Variants in PRIM2 observed in about 807,000 individuals in gnomAD.
PRIM2 encodes the protein DNA primase large subunit.
PRIM2 carries 39 observed loss-of-function variants against 67.3 expected under a neutral mutation model. The observed-to-expected ratio is 0.58, with a 90% CI of 0.45 to 0.76. The LOEUF (loss-of-function observed/expected upper bound fraction) is 0.76. PRIM2 is among the 30% of genes least tolerant of loss of function. The probability of loss-of-function intolerance (pLI) is 0.00; values close to 1 mark genes in which losing one functional copy is unlikely to be tolerated. For synonymous variants in PRIM2, 143 were observed against 198.7 expected, an observed-to-expected ratio of 0.72 and a Z score of 2.36; for missense variants, 398 against 598.7, an observed-to-expected ratio of 0.66 and a Z score of 3.50.
chr6:57,586,088 G>C (rs1369707034), intron 10 of PRIM2, among the ~76,000 whole-genome samples: 3 of 152,144 alleles, frequency 2.0e-5, no homozygotes, highest in African/African-American at 7.2e-5. Context: ...GAGGGAGTGG[G>C]TGATTGTTTT....
At chr6:57,223,995 A>C in the PRIM2 span, among the ~76,000 whole-genome samples, 1 of 152,248 alleles carries the variant, frequency 6.6e-6, no homozygotes, top group Non-Finnish European at 1.5e-5. Context: ...AATTGAAAAC[A>C]GGGACTCAAA....
At chr6:57,399,681 T>G (rs1770640593) in intron 7 of PRIM2, among the ~76,000 whole-genome samples, 1 of 152,134 alleles carries the variant, frequency 6.6e-6, no homozygotes, top group Admixed American at 6.5e-5. Context: ...TTCTTATTTC[T>G]CCACATCCTC....
At chr6:57,286,848 C>T in the PRIM2 span, among the ~76,000 whole-genome samples, 1 of 152,120 alleles carries the variant, frequency 6.6e-6, no homozygotes, top group South Asian at 2.1e-4. Context: ...AAAAGTTTTG[C>T]AATCTATGCA....
the PRIM2 span, among the ~76,000 whole-genome samples, chr6:57,272,376 T>C: frequency 6.6e-6 from 1 of 152,236 alleles, no homozygotes; most frequent in African/African-American, 2.4e-5. Context: ...TTTACCATTA[T>C]GTAATGGCCT....
intron 12 of PRIM2, among the ~76,000 whole-genome samples, chr6:57,618,399 G>A (rs1459771401): frequency 2.0e-5 from 3 of 152,354 alleles, no homozygotes; most frequent in Admixed American, 2.0e-4. Flanking sequence ...GGCTTAAATT[G>A]TGAATTTTAG....
the PRIM2 span, among the ~76,000 whole-genome samples, chr6:57,230,225 C>T: frequency 6.6e-6 from 1 of 152,172 alleles, no homozygotes; most frequent in Non-Finnish European, 1.5e-5. Flanking sequence ...TTCTCCTTGA[C>T]AAAATTTTTC....
chr6:57,612,870 T>G (rs1562803150), intron 12 of PRIM2, among the ~76,000 whole-genome samples: 1 of 150,970 alleles, frequency 6.6e-6, no homozygotes, highest in Admixed American at 6.6e-5. Context: ...TCATATCTTA[T>G]TGCAACCTCG....
At chr6:57,345,474 A>ATATATG (rs1554327210) in intron 5 of PRIM2, among the ~76,000 whole-genome samples, 1 of 124,596 alleles carries the variant, frequency 8.0e-6, no homozygotes, top group Non-Finnish European at 1.7e-5. Flanking sequence ...ATATATATAT[A>ATATATG]TGTGTGTGTG....
chr6:57,428,436 G>A (rs1771704163), intron 7 of PRIM2, among the ~76,000 whole-genome samples: 1 of 152,202 alleles, frequency 6.6e-6, no homozygotes, highest in African/African-American at 2.4e-5. Context: ...AAATCCTCAT[G>A]TAAATATACT....
intron 5 of PRIM2, among the ~76,000 whole-genome samples, chr6:57,373,439 C>T (rs1769636390): frequency 6.6e-6 from 1 of 152,112 alleles, no homozygotes; most frequent in South Asian, 2.1e-4. Context: ...TTTTGCTGTG[C>T]AGAAGCTCTT....
In PRIM2 at chr6:57,484,169, G is replaced by A. The variant is rs1290581128; in HGVS notation, c.694-23218G>A. The stretch of plus-strand genomic sequence containing the variant: ...TCTGCTTATTCACAAATAGTGTTTC[G>A]ACCTGGCTTGAGCTTTATAGGCCTA... On this transcript the variant is annotated intron_variant, in intron 7 of 13. Transcript: ENST00000615550. Among the ~76,000 whole-genome samples, 30 of 152,104 alleles carry A rather than the reference G, an allele frequency of 2.0e-4. 1 individual carries two copies. Among genetic ancestry groups the A allele is most frequent in the Admixed American group, 5.2e-4 (8 of 15,276 alleles).
At chr6:57,378,006 A>T (rs1327179071) in intron 5 of PRIM2, among the ~76,000 whole-genome samples, 3 of 151,078 alleles carry the variant, frequency 2.0e-5, no homozygotes, top group Non-Finnish European at 4.4e-5. Context: ...TTTAATGAAA[A>T]CCCAGGTTCC....
the PRIM2 span, chr6:57,222,140 G>C: frequency 2.0e-5 from 3 of 152,364 alleles, no homozygotes; most frequent in South Asian, 6.2e-4. Context: ...GGGCCGAGCG[G>C]CTAGTTCGCA....
At chr6:57,350,433 T>A (rs1768823921) in intron 5 of PRIM2, among the ~76,000 whole-genome samples, 2 of 152,360 alleles carry the variant, frequency 1.3e-5, no homozygotes, top group South Asian at 4.1e-4. Flanking sequence ...AAATCTCACA[T>A]ATCATAAATC....
chr6:57,355,497 C>A (rs1424212252), intron 5 of PRIM2, among the ~76,000 whole-genome samples: 1 of 152,090 alleles, frequency 6.6e-6, no homozygotes, highest in African/African-American at 2.4e-5. Context: ...AATAACTGAA[C>A]AAGAATTTGG....
At chr6:57,438,229 CTG>C (rs1772079025) in intron 7 of PRIM2, among the ~76,000 whole-genome samples, 2 of 151,982 alleles carry the variant, frequency 1.3e-5, no homozygotes, top group East Asian at 3.9e-4. Flanking sequence ...AATATTGTAT[CTG>C]TGATGAGTTT....
At chr6:57,405,160 T>TG (rs1236088496) in intron 7 of PRIM2, among the ~76,000 whole-genome samples, 1 of 152,136 alleles carries the variant, frequency 6.6e-6, no homozygotes, top group Non-Finnish European at 1.5e-5. Flanking sequence ...TTTTTTTTTT[T>TG]GGTGGGGAGG....
chr6:57,618,947 C>A (rs1776802363), intron 12 of PRIM2, among the ~76,000 whole-genome samples: 1 of 152,312 alleles, frequency 6.6e-6, no homozygotes, highest in African/African-American at 2.4e-5. Flanking sequence ...AAAGTGCCAC[C>A]TCTTGGCAGG....
chr6:57,268,326 T>C, the PRIM2 span, among the ~76,000 whole-genome samples: 1 of 151,786 alleles, frequency 6.6e-6, no homozygotes, highest in Non-Finnish European at 1.5e-5. Flanking sequence ...TATAAGAATA[T>C]TAAATGTTAG....
Sources: gnomAD v4.1 joint callset for allele counts (sites outside exome capture counted in the v4.1 genomes callset) on GRCh38, gnomAD v4.1.1 for gene constraint, MANE v1.5 for transcripts, NCBI Gene and HGNC (gene_info 2026-07-23, HGNC 2026-07-21) for gene names.